The following RASSF3 variants were observed in gnomAD, a reference collection of about 807,000 sequenced individuals.
The protein encoded by RASSF3 is Ras association domain family member 3.
A neutral mutation model predicts 19.9 loss-of-function variants in RASSF3; 19 were observed. The observed-to-expected ratio is 0.96, with a 90% CI of 0.67 to 1.40. RASSF3 has a LOEUF of 1.40. RASSF3 is among the 40% of genes most tolerant of loss of function. RASSF3 has a pLI of 0.00. For synonymous variants in RASSF3, 110 were observed against 104.2 expected (o/e 1.06, Z -0.34); for missense variants, 306 against 289.8 (o/e 1.06, Z -0.41).
At chr12:64,533,758 T>C (rs1172102182) in intron 1 of RASSF3, 1 of 152,252 alleles carries the variant, frequency 6.6e-6, no homozygotes, top group Non-Finnish European at 1.5e-5. Flanking sequence ...TCAAGAACTT[T>C]CAGGCTAAAG....
upstream of RASSF3, among the ~76,000 whole-genome samples, chr12:64,533,019 C>T (rs926502296): frequency 2.0e-5 from 3 of 152,238 alleles, no homozygotes; most frequent in African/African-American, 2.4e-5. Flanking sequence ...GTCTCAGAGA[C>T]GCTCCCTCAG....
At chr12:64,551,019 G>C (rs1332965264) in intron 2 of RASSF3, among the ~76,000 whole-genome samples, 1 of 151,990 alleles carries the variant, frequency 6.6e-6, no homozygotes, top group Non-Finnish European at 1.5e-5. Context: ...GCTTGCCCGA[G>C]ATGGCTGTTT....
chr12:64,520,169 CTTT>C (rs34152736), intron 1 of RASSF3, among the ~76,000 whole-genome samples: 1 of 134,928 alleles, frequency 7.4e-6, no homozygotes. Flanking sequence ...TCATTTCTGA[CTTT>C]TTTTTTTTTT....
chr12:64,591,803 A>G (rs1378874173), intron 2 of RASSF3, among the ~76,000 whole-genome samples: 2 of 152,188 alleles, frequency 1.3e-5, no homozygotes, highest in Non-Finnish European at 2.9e-5. Flanking sequence ...TCAGAACTAT[A>G]AACCTAGATA....
In RASSF3 at chr12:64,631,548, T is replaced by C. The variant is rs1023866223; in HGVS notation, c.111+20805T>C. On this transcript the variant is annotated intron_variant, in intron 1 of 4. Coordinates refer to ENST00000542104, the MANE Select transcript of RASSF3 (RefSeq NM_178169.4). The stretch of plus-strand genomic sequence containing the variant: ...TGTCATCGTATGTAATGTATGTATG[T>C]ATGTATGTATGTATGTATGTATGTA... Among the ~76,000 whole-genome samples the C allele has an allele frequency of 1.5e-4, 17 of 117,090 alleles. No individual in the cohort carries two copies. In the South Asian group the frequency reaches 3.4e-3, roughly 23 times the overall value. 76.8% of individuals were successfully genotyped at this position (117,090 alleles called of 152,430 possible).
chr12:64,509,998 AATT>A (rs2136097214), intron 1 of RASSF3, among the ~76,000 whole-genome samples: 1 of 151,980 alleles, frequency 6.6e-6, no homozygotes, highest in South Asian at 2.1e-4. Flanking sequence ...GAGGCAGGAG[AATT>A]GCTTGAAACT....
chr12:64,528,205 G>C (rs998962978), intron 1 of RASSF3, among the ~76,000 whole-genome samples: 6 of 152,008 alleles, frequency 3.9e-5, no homozygotes, highest in African/African-American at 1.2e-4. Context: ...CCCAGGAGGT[G>C]GAGACTGCAG....
intron 1 of RASSF3, among the ~76,000 whole-genome samples, chr12:64,641,763 A>G (rs1489304175): frequency 2.1e-5 from 3 of 139,600 alleles, no homozygotes; most frequent in Non-Finnish European, 3.1e-5. Context: ...TTTTTTTTGG[A>G]TGGAGTTTCG....
intron 1 of RASSF3, among the ~76,000 whole-genome samples, chr12:64,639,562 A>G (rs1369684842): frequency 6.6e-6 from 1 of 152,194 alleles, no homozygotes; most frequent in Non-Finnish European, 1.5e-5. Context: ...ATTACGAAGA[A>G]TGGCATAAAT....
chr12:64,688,359 C>G lies in RASSF3; in HGVS notation c.363C>G (p.Val121=). Residue 121 remains valine (V), a synonymous_variant, in exon 3 of 5, where the codon GTC becomes GTG. Coordinates refer to ENST00000542104, the MANE Select transcript of RASSF3 (RefSeq NM_178169.4). ...TTCATATCAGCAGCACAAACACTGTCGGGGAAGTGATCGAGGCCCTGCTCA... is the reference window on the plus strand; with the variant it reads ...TTCATATCAGCAGCACAAACACTGTGGGGGAAGTGATCGAGGCCCTGCTCA... ...NTLHISSTNT[V]GEVIEALLKK... 6.2e-7 allele frequency: 1 copy of G among 1,614,148 alleles called. No individual in the cohort carries two copies. Among genetic ancestry groups the G allele is most frequent in the Non-Finnish European group, 8.5e-7 (1 of 1,180,024 alleles).
intron 1 of RASSF3, among the ~76,000 whole-genome samples, chr12:64,513,651 A>G (rs1868342313): frequency 6.6e-6 from 1 of 152,068 alleles, no homozygotes; most frequent in Non-Finnish European, 1.5e-5. Flanking sequence ...TCAGATATGC[A>G]CATTATTACT....
intron 2 of RASSF3, among the ~76,000 whole-genome samples, chr12:64,585,552 T>G (rs529901551): frequency 1.5e-4 from 23 of 151,716 alleles, no homozygotes; most frequent in Non-Finnish European, 2.5e-4. Flanking sequence ...GAGAAGTTTC[T>G]TTCCCCACTG....
rs1166651766 is a variant in RASSF3 at position 64,697,322 on chromosome 12, C to T, written c.*2410C>T. ...ATTTTTTAAGAATCATTGTACAAAT[C>T]ATTATGTTAAACTATCTAAGCTTTG... On this transcript the variant is annotated 3_prime_UTR_variant, in exon 5 of 5. Transcript: ENST00000542104. 6.6e-6 allele frequency: 1 copy of T among 152,096 alleles called. No homozygotes were observed. Among genetic ancestry groups the T allele is most frequent in the Non-Finnish European group, 1.5e-5 (1 of 68,020 alleles). 9.4% of individuals were successfully genotyped at this position (152,096 alleles called of 1,614,324 possible). A position where few individuals can be genotyped will look rare whatever the true frequency, so the allele number is the denominator to read the frequency against.
At chr12:64,657,125 C>G (rs547833971) in intron 1 of RASSF3, among the ~76,000 whole-genome samples, 1 of 151,994 alleles carries the variant, frequency 6.6e-6, no homozygotes, top group African/African-American at 2.4e-5. Context: ...TTTTCTCCTG[C>G]CTCAACCTCC....
At chr12:64,536,964 C>A (rs1043350242) in intron 1 of RASSF3, among the ~76,000 whole-genome samples, 5 of 152,202 alleles carry the variant, frequency 3.3e-5, no homozygotes, top group Non-Finnish European at 7.3e-5. Context: ...TACTTCAAGG[C>A]GAGGTCTCTT....
intron 1 of RASSF3, among the ~76,000 whole-genome samples, chr12:64,539,091 A>G (rs1274284550): frequency 6.6e-6 from 1 of 152,204 alleles, no homozygotes; most frequent in Non-Finnish European, 1.5e-5. Context: ...TTGCATTGCT[A>G]TAACAGAATA....
chr12:64,543,517 G>GC (rs1314659878), downstream of RASSF3, among the ~76,000 whole-genome samples: 17 of 58,662 alleles, frequency 2.9e-4, no homozygotes, highest in African/African-American at 7.8e-4. Flanking sequence ...TCCCCCCGCC[G>GC]CCCCCCGCTC....
At chr12:64,640,307 T>C (rs1033403127) in intron 1 of RASSF3, among the ~76,000 whole-genome samples, 8 of 152,222 alleles carry the variant, frequency 5.3e-5, no homozygotes, top group African/African-American at 1.9e-4. Context: ...CTTTTTTTTG[T>C]GGTAAGAACA....
At chr12:64,521,596 A>C (rs1397573685) in intron 1 of RASSF3, among the ~76,000 whole-genome samples, 1 of 152,210 alleles carries the variant, frequency 6.6e-6, no homozygotes, top group African/African-American at 2.4e-5. Context: ...ACAAGGAAGA[A>C]AGAATCATTT....
Sources: gnomAD v4.1 joint callset for allele counts (sites outside exome capture counted in the v4.1 genomes callset) on GRCh38, gnomAD v4.1.1 for gene constraint, MANE v1.5 for transcripts, NCBI Gene and HGNC (gene_info 2026-07-23, HGNC 2026-07-21) for gene names.